CES1: variants seen among roughly 807,000 people sequenced by gnomAD.
The protein encoded by CES1 is liver carboxylesterase 1.
In CES1, 50 loss-of-function variants were observed where a neutral mutation model predicts 53.0. The ratio of observed to expected loss-of-function variants is 0.94; its 90% CI spans 0.75 to 1.19. CES1 has a LOEUF of 1.19. CES1 is among the 50% of genes most tolerant of loss of function. CES1 has a pLI of 0.00. For missense variants in CES1, 534 were observed against 538.0 expected, an observed-to-expected ratio of 0.99 and a Z score of 0.07; for synonymous variants, 202 against 210.1, an observed-to-expected ratio of 0.96 and a Z score of 0.33.
In CES1 at chr16:55,816,978, C is replaced by T. The variant is rs2031971458; in HGVS notation, c.907-16G>A. ...ATAAGAATTTCTGTGAAGACAAAGG[C>T]AGAGGATGTGGGTGAGAGGCTTACC... On this transcript the variant is annotated splice_polypyrimidine_tract_variant and intron_variant, in intron 7 of 13. Coordinates refer to ENST00000360526, the MANE Select transcript of CES1 (RefSeq NM_001025195.2). 1 of 1,614,104 alleles carries T rather than the reference C, an allele frequency of 6.2e-7. No individual in the cohort carries two copies. The highest frequency in any genetic ancestry group is 1.3e-5 in the African/African-American group (1 of 75,014).
chr16:55,826,317 C>A (rs766211243), intron 2 of CES1, 22 bp from the exon 3 acceptor site: 21 of 1,613,832 alleles, frequency 1.3e-5, no homozygotes, highest in Non-Finnish European at 1.8e-5. Flanking sequence ...GAAAGAAGAA[C>A]CCCTGAAGTT....
rs112534936 is a variant in CES1 at position 55,818,351 on chromosome 16, G to A, written c.906+1184C>T. Among the ~76,000 whole-genome samples, 40 of 152,336 alleles carry A rather than the reference G, an allele frequency of 2.6e-4. 1 individual carries two copies. In the Middle Eastern group the frequency reaches 0.01, roughly 39 times the overall value. On this transcript the variant is annotated intron_variant, in intron 7 of 13. Coordinates refer to ENST00000360526, the MANE Select transcript of CES1 (RefSeq NM_001025195.2). ...GGAAGGCAGAAGATACTCTAGACCC[G>A]CAGGTGTCGGTTCTGGGTCCTACAG... is the stretch of plus-strand genomic sequence containing the variant.
intron 9 of CES1, 84 bp downstream of exon 9, chr16:55,812,819 C>G (rs535237096): frequency 4.4e-6 from 7 of 1,581,716 alleles, no homozygotes; most frequent in South Asian, 1.1e-5. Context: ...GAGTGCAGCT[C>G]GGAGAGGGAA....
intron 1 of CES1, among the ~76,000 whole-genome samples, chr16:55,830,203 C>G (rs2032582066): frequency 6.6e-6 from 1 of 152,242 alleles, no homozygotes; most frequent in African/African-American, 2.4e-5. Context: ...CCCAGTTACA[C>G]AACAGCATCC....
intron 1 of CES1, among the ~76,000 whole-genome samples, chr16:55,830,807 A>AAGGAAGGAAGGG (rs1567509430): frequency 2.8e-5 from 4 of 145,224 alleles, no homozygotes; most frequent in East Asian, 2.1e-4. Context: ...GGAAGGAAGG[A>AAGGAAGGAAGGG]AGGAAGGAAG....
intron 2 of CES1, among the ~76,000 whole-genome samples, chr16:55,826,745 C>A (rs1205091455): frequency 6.6e-5 from 10 of 152,144 alleles, no homozygotes; most frequent in Admixed American, 5.9e-4. Flanking sequence ...TCTAAGTGAG[C>A]GGAGTGATTT....
chr16:55,822,099 A>G (rs775764721), intron 4 of CES1, among the ~76,000 whole-genome samples: 3 of 152,238 alleles, frequency 2.0e-5, no homozygotes, highest in Non-Finnish European at 4.4e-5. Flanking sequence ...GGCCCAGTGA[A>G]AGAAAGTGTG....
chr16:55,828,593 AAC>A (rs2032507537), intron 2 of CES1, among the ~76,000 whole-genome samples, 172 bp downstream of exon 2: 1 of 151,890 alleles, frequency 6.6e-6, no homozygotes, highest in African/African-American at 2.4e-5. Context: ...GTGCTCAATA[AAC>A]ATGTGTTAAA....
chr16:55,817,212 C>T (rs1213866579), intron 7 of CES1, among the ~76,000 whole-genome samples: 1 of 152,150 alleles, frequency 6.6e-6, no homozygotes, highest in Non-Finnish European at 1.5e-5. Context: ...GGTTTTTAAG[C>T]AGATAGGACA....
intron 1 of CES1, among the ~76,000 whole-genome samples, chr16:55,831,119 A>G (rs1179312861): frequency 1.3e-5 from 2 of 152,156 alleles, no homozygotes; most frequent in Non-Finnish European, 2.9e-5. Flanking sequence ...GTGGATGTGT[A>G]TGGCTTCATT....
chr16:55,830,628 C>T (rs113409676), intron 1 of CES1, among the ~76,000 whole-genome samples: 2 of 152,006 alleles, frequency 1.3e-5, no homozygotes, highest in African/African-American at 4.8e-5. Context: ...CATGGTGAAA[C>T]CCCCTCTCTA....
chr16:55,823,330 T>C (rs1256189448), intron 4 of CES1, among the ~76,000 whole-genome samples: 2 of 152,328 alleles, frequency 1.3e-5, no homozygotes, highest in African/African-American at 4.8e-5. Flanking sequence ...TCGGATAGAA[T>C]AAGCATTCCA....
At chr16:55,812,520 T>A in intron 9 of CES1, 1 of 332,278 alleles carries the variant, frequency 3.0e-6, no homozygotes. Context: ...TCAGGGGAAT[T>A]ACGCACACCC....
chr16:55,832,196 T>C (rs2032710406), intron 1 of CES1, among the ~76,000 whole-genome samples: 1 of 152,030 alleles, frequency 6.6e-6, no homozygotes, highest in African/African-American at 2.4e-5. Flanking sequence ...CCTTTCCTCT[T>C]CTATCCTTGG....
Position 55,810,869 on chromosome 16 carries a change from G to A in CES1, c.1170+58C>T. The A allele has an allele frequency of 4.0e-6, 6 of 1,508,194 alleles. No homozygotes were observed. In the South Asian group the frequency reaches 6.7e-5, roughly 17 times the overall value. The allele number at this position is 1,508,194 out of a possible 1,614,324, so 93.4% of individuals were successfully genotyped here. ...TGCCATTTAATTGCTCTATGATTTG[G>A]GCAAGTCCTTGTCCCTCTCTGGGTC... On this transcript the variant is annotated intron_variant, in intron 10 of 13. Coordinates refer to ENST00000360526, the MANE Select transcript of CES1 (RefSeq NM_001025195.2).
At chr16:55,824,794 CAG>C (rs2032352994) in intron 3 of CES1, among the ~76,000 whole-genome samples, 2 of 152,354 alleles carry the variant, frequency 1.3e-5, no homozygotes, top group Admixed American at 1.3e-4. Context: ...TTTGAGGAAA[CAG>C]AGGCTTAGAG....
At chr16:55,816,407 T>G (rs2142326357) in intron 8 of CES1, among the ~76,000 whole-genome samples, 1 of 152,340 alleles carries the variant, frequency 6.6e-6, no homozygotes, top group East Asian at 1.9e-4. Context: ...GACAGGATTG[T>G]AAGATTCGTC....
intron 1 of CES1, among the ~76,000 whole-genome samples, chr16:55,829,292 T>C (rs2032548915): frequency 6.6e-6 from 1 of 152,226 alleles, no homozygotes; most frequent in Non-Finnish European, 1.5e-5. Context: ...ATTAGAATCC[T>C]GGCACTGAGC....
chr16:55,828,468 T>C (rs1466519747), intron 2 of CES1, among the ~76,000 whole-genome samples: 2 of 152,220 alleles, frequency 1.3e-5, no homozygotes, highest in African/African-American at 4.8e-5. Flanking sequence ...CGGAGTAATT[T>C]GCATATTGTT....
Sources: gnomAD v4.1 joint callset for allele counts (sites outside exome capture counted in the v4.1 genomes callset) on GRCh38, gnomAD v4.1.1 for gene constraint, MANE v1.5 for transcripts, NCBI Gene and HGNC (gene_info 2026-07-23, HGNC 2026-07-21) for gene names.